Variants in VDR observed in about 807,000 individuals in gnomAD.
VDR encodes the protein vitamin D3 receptor.
VDR carries 19 observed loss-of-function variants against 39.7 expected under a neutral mutation model. The observed-to-expected ratio is 0.48, with a 90% CI of 0.33 to 0.70. The LOEUF (loss-of-function observed/expected upper bound fraction) is 0.70, where lower values mean the gene tolerates loss of function less well. Among genes scored for constraint, VDR ranks in the 30% least tolerant of loss-of-function variants. The probability of loss-of-function intolerance (pLI) is 0.02; values close to 1 mark genes in which losing one functional copy is unlikely to be tolerated. For missense variants in VDR, 442 were observed against 570.5 expected, an observed-to-expected ratio of 0.77 and a Z score of 2.29; for synonymous variants, 242 against 215.8, an observed-to-expected ratio of 1.12 and a Z score of -1.07.
intron 3 of VDR, among the ~76,000 whole-genome samples, chr12:47,868,787 A>C (rs1433671455): frequency 1.5e-5 from 2 of 131,338 alleles, no homozygotes; most frequent in African/African-American, 5.4e-5. Flanking sequence ...TTTGTTTTTC[A>C]ACAACCGGGC....
chr12:47,857,490 G>T lies in VDR; in HGVS notation c.462+14C>A, dbSNP rs1247478049. On this transcript the variant is annotated intron_variant, in intron 5 of 9. Coordinates refer to ENST00000549336, the MANE Select transcript of VDR (RefSeq NM_000376.3). ...TCCTCTGGACCGGCTCATCCTCCCA[G>T]CAGGCAGACATACCCGGAACTGGCA... is the stretch of plus-strand genomic sequence containing the variant. 1.9e-6 allele frequency: 3 copies of T among 1,614,120 alleles called. No individual in the cohort carries two copies. The highest frequency in any genetic ancestry group is 2.5e-6 in the Non-Finnish European group (3 of 1,180,024).
Position 47,855,339 on chromosome 12 carries a change from A to AAAATAAAT in VDR, c.755+283_755+290dup, listed in dbSNP as rs11574093. 0.036 allele frequency among the ~76,000 whole-genome samples: 5,261 copies of AAAATAAAT among 146,518 alleles called. 336 individuals carry two copies. Among genetic ancestry groups the AAAATAAAT allele is most frequent in the African/African-American group, 0.12 (4,788 of 39,038 alleles). ...CGAGAATCTGTCTGGAAAAAAAATA[A>AAAATAAAT]AAATAAATAAATAAATAAATAAATA... is the stretch of plus-strand genomic sequence containing the variant. On this transcript the variant is annotated intron_variant, in intron 7 of 9. Coordinates refer to ENST00000549336, the MANE Select transcript of VDR (RefSeq NM_000376.3).
intron 3 of VDR, among the ~76,000 whole-genome samples, chr12:47,877,166 G>A (rs575264328): frequency 3.9e-5 from 6 of 152,224 alleles, no homozygotes; most frequent in Admixed American, 2.6e-4. Context: ...TGGAAGGATC[G>A]CTTGAGCCCA....
chr12:47,866,041 C>T (rs902836413), intron 3 of VDR, among the ~76,000 whole-genome samples: 1 of 151,556 alleles, frequency 6.6e-6, no homozygotes, highest in Admixed American at 6.6e-5. Flanking sequence ...ACTTATTTTA[C>T]AGTACTCTGT....
intron 1 of VDR, among the ~76,000 whole-genome samples, chr12:47,897,351 G>C (rs1946481167): frequency 6.6e-6 from 1 of 152,230 alleles, no homozygotes; most frequent in Non-Finnish European, 1.5e-5. Flanking sequence ...GGTATAGAAA[G>C]AGACACTGGG....
At chr12:47,902,627 C>T (rs376576048) in intron 1 of VDR, among the ~76,000 whole-genome samples, 3 of 152,336 alleles carry the variant, frequency 2.0e-5, no homozygotes, top group East Asian at 3.9e-4. Flanking sequence ...CTTTATTCAG[C>T]AACACACCAA....
chr12:47,900,039 G>A (rs1216056148), intron 1 of VDR: 3 of 783,958 alleles, frequency 3.8e-6, no homozygotes, highest in Non-Finnish European at 4.6e-6. Context: ...TCAGCACATA[G>A]TAGGTTTTCA....
chr12:47,871,292 C>CTTTCTTTCTTTCTTTCTCTTTCTT (rs754929705), intron 3 of VDR, among the ~76,000 whole-genome samples: 6 of 79,854 alleles, frequency 7.5e-5, no homozygotes, highest in Non-Finnish European at 1.5e-4. Flanking sequence ...CTTTCTCTTT[C>CTTTCTTTCTTTCTTTCTCTTTCTT]TCTTTCTTTC....
intron 1 of VDR, chr12:47,900,071 A>C (rs1352678042): frequency 2.1e-6 from 1 of 471,936 alleles, no homozygotes; most frequent in Non-Finnish European, 2.8e-6. Flanking sequence ...TGTTTGAAAG[A>C]TTGTTTCCTA....
chr12:47,842,418 G>A lies in VDR; in HGVS notation c.*2328C>T, dbSNP rs770829205. ...GAGTGGGGGTCTGAGCTCAAACATG[G>A]TGTAGTGAAAAGGACACCGGACCAT... On this transcript the variant is annotated 3_prime_UTR_variant, in exon 10 of 10. Transcript: ENST00000549336. The A allele has an allele frequency of 6.6e-6, 1 of 152,350 alleles. No individual in the cohort carries two copies. Among genetic ancestry groups the A allele is most frequent in the African/African-American group, 2.4e-5 (1 of 41,444 alleles). The allele number at this position is 152,350 out of a possible 1,614,324, so 9.4% of individuals were successfully genotyped here.
At chr12:47,897,487 T>G (rs1393905041) in intron 1 of VDR, among the ~76,000 whole-genome samples, 1 of 152,140 alleles carries the variant, frequency 6.6e-6, no homozygotes, top group Non-Finnish European at 1.5e-5. Context: ...AGGCACAGAC[T>G]GGATAGGTAA....
chr12:47,898,433 T>C (rs1946501151), intron 1 of VDR: 1 of 152,228 alleles, frequency 6.6e-6, no homozygotes, highest in Non-Finnish European at 1.5e-5. Context: ...ACAACCACTT[T>C]GGAAAGCTGT....
At chr12:47,901,285 G>A (rs1486288379) in intron 1 of VDR, 1 of 155,106 alleles carries the variant, frequency 6.4e-6, no homozygotes, top group Admixed American at 6.5e-5. Context: ...GGACCTCTGG[G>A]GATCCCACCC....
intron 3 of VDR, among the ~76,000 whole-genome samples, chr12:47,874,491 T>C (rs1945959312): frequency 6.6e-6 from 1 of 152,180 alleles, no homozygotes; most frequent in African/African-American, 2.4e-5. Context: ...TCTTCCTGGA[T>C]CCTCGCCAGC....
chr12:47,852,048 T>C (rs1366741400), intron 7 of VDR, among the ~76,000 whole-genome samples: 4 of 152,134 alleles, frequency 2.6e-5, no homozygotes, highest in Non-Finnish European at 4.4e-5. Flanking sequence ...GGGCAATGGA[T>C]AGGGGCCTTG....
chr12:47,845,974 C>T (rs974985918), intron 9 of VDR, among the ~76,000 whole-genome samples: 1 of 152,242 alleles, frequency 6.6e-6, no homozygotes, highest in African/African-American at 2.4e-5. Context: ...AAGTTTTGTA[C>T]CCTGCCCGCA....
intron 4 of VDR, among the ~76,000 whole-genome samples, chr12:47,863,062 A>G (rs1945657362): frequency 6.6e-6 from 1 of 152,064 alleles, no homozygotes; most frequent in Admixed American, 6.5e-5. Flanking sequence ...TGGCTGAGGG[A>G]TGGGGTGGAC....
At chr12:47,893,934 C>T (rs1946416694) in intron 1 of VDR, among the ~76,000 whole-genome samples, 1 of 152,208 alleles carries the variant, frequency 6.6e-6, no homozygotes, top group African/African-American at 2.4e-5. Flanking sequence ...GAAGATAACC[C>T]TCTTGGTTCA....
At chr12:47,887,070 G>A (rs1471694122) in intron 1 of VDR, among the ~76,000 whole-genome samples, 3 of 152,034 alleles carry the variant, frequency 2.0e-5, no homozygotes, top group Non-Finnish European at 4.4e-5. Context: ...CCAGCACTTC[G>A]GGAGGCCAAA....
Sources: allele counts gnomAD v4.1 joint callset (sites outside exome capture counted in the v4.1 genomes callset), GRCh38; gene constraint gnomAD v4.1.1; transcripts MANE v1.5; gene names NCBI Gene and HGNC (gene_info 2026-07-23, HGNC 2026-07-21).